The following KCNQ4 variants were observed in gnomAD, a reference collection of about 807,000 sequenced individuals.
The protein encoded by KCNQ4 is potassium voltage-gated channel subfamily KQT member 4.
KCNQ4 carries 31 observed loss-of-function variants against 72.6 expected under a neutral mutation model. The observed-to-expected ratio is 0.43, with a 90% CI of 0.32 to 0.58. The LOEUF (loss-of-function observed/expected upper bound fraction) is 0.58, where lower values mean the gene tolerates loss of function less well. Ranked by LOEUF, KCNQ4 falls within the 20% of genes least tolerant of loss-of-function variation. The pLI is 0.08. For missense variants in KCNQ4, 869 were observed against 962.6 expected, an observed-to-expected ratio of 0.90 and a Z score of 1.29; for synonymous variants, 405 against 403.7, an observed-to-expected ratio of 1.00 and a Z score of -0.04.
rs550600409 is a variant in KCNQ4 at position 40,808,284 on chromosome 1, G to A, written c.315-8981G>A. Among the ~76,000 whole-genome samples the A allele has an allele frequency of 7.2e-5, 11 of 152,022 alleles. No homozygotes were observed. In the South Asian group the frequency reaches 1.9e-3, roughly 26 times the overall value. On this transcript the variant is annotated intron_variant, in intron 1 of 13. Coordinates refer to ENST00000347132, the MANE Select transcript of KCNQ4 (RefSeq NM_004700.4). ...TGGTGGATACTTGGGGGTGGGGAGC[G>A]GTCCTCTTCTCACACAGGCTGCTTC...
At chr1:40,834,281 G>A (rs1474818684) in intron 11 of KCNQ4, among the ~76,000 whole-genome samples, 5 of 152,138 alleles carry the variant, frequency 3.3e-5, no homozygotes, top group Admixed American at 3.3e-4. Flanking sequence ...GGTCACCCAA[G>A]CCATGGGAGT....
At chr1:40,793,893 C>G (rs1186242657) in intron 1 of KCNQ4, among the ~76,000 whole-genome samples, 1 of 152,152 alleles carries the variant, frequency 6.6e-6, no homozygotes, top group African/African-American at 2.4e-5. Context: ...TTCAGTGCCC[C>G]CAGAGTTCTG....
chr1:40,802,612 G>A (rs576448481), intron 1 of KCNQ4, among the ~76,000 whole-genome samples: 1 of 151,990 alleles, frequency 6.6e-6, no homozygotes, highest in Non-Finnish European at 1.5e-5. Context: ...GAGCAGTGGC[G>A]CCCCTGCTGA....
At chr1:40,818,786 A>C in intron 4 of KCNQ4, 106 bp downstream of exon 4, 1 of 1,311,764 alleles carries the variant, frequency 7.6e-7, no homozygotes, top group Non-Finnish European at 1.1e-6. Context: ...CCGTGCTGGG[A>C]AGGGGTGTGG....
Position 40,817,474 on chromosome 1 carries a change from A to G in KCNQ4, c.405+119A>G. 2.9e-6 allele frequency: 2 copies of G among 678,180 alleles called. No individual in the cohort carries two copies. Among genetic ancestry groups the G allele is most frequent in the Non-Finnish European group, 5.0e-6 (2 of 399,850 alleles). The allele number at this position is 678,180 out of a possible 1,614,324, so 42.0% of individuals were successfully genotyped here. On this transcript the variant is annotated intron_variant, in intron 2 of 13. Transcript: ENST00000347132. The surrounding 1 kb of genome is among the most constrained non-coding windows in gnomAD (Gnocchi z 5.5). ...CCTCTGGGCTGGGAGTCCGGGACTG[A>G]AGGGGGCTGTGTGAGGTAGCACCTC...
intron 1 of KCNQ4, among the ~76,000 whole-genome samples, chr1:40,786,127 G>T (rs1647200236): frequency 6.6e-6 from 1 of 152,090 alleles, no homozygotes; most frequent in Non-Finnish European, 1.5e-5. Flanking sequence ...CTTCTTAGGA[G>T]TGGCTACAGA....
At chr1:40,797,983 C>T (rs1557992206) in intron 1 of KCNQ4, among the ~76,000 whole-genome samples, 1 of 151,962 alleles carries the variant, frequency 6.6e-6, no homozygotes, top group Non-Finnish European at 1.5e-5. Flanking sequence ...AGAATAGTGG[C>T]CTTATAATGG....
chr1:40,830,988 T>TA, intron 9 of KCNQ4, 96 bp from the exon 10 acceptor site: 2 of 1,055,314 alleles, frequency 1.9e-6, no homozygotes. Context: ...CCAGACCTAA[T>TA]AGCCACCCCC....
At chr1:40,823,802 C>A (rs924287360) in intron 8 of KCNQ4, among the ~76,000 whole-genome samples, 3 of 152,210 alleles carry the variant, frequency 2.0e-5, no homozygotes, top group Non-Finnish European at 4.4e-5. Flanking sequence ...TCTGAGGAGG[C>A]ACGGCACGTT....
chr1:40,826,786 T>C (rs1648492152), intron 9 of KCNQ4: 2 of 392,074 alleles, frequency 5.1e-6, no homozygotes, highest in African/African-American at 2.1e-5. Context: ...AAGGACAAGG[T>C]GCATGTGCCT....
rs536477676 is a variant in KCNQ4 at position 40,797,501 on chromosome 1, C to T, written c.314+13094C>T. On this transcript the variant is annotated intron_variant, in intron 1 of 13. Transcript: ENST00000347132. ...GGCTGGGATGCAACAGGGCCAGGCT[C>T]GGCAGTGAGGACACCGGGCTGGGGA... 1.4e-4 allele frequency among the ~76,000 whole-genome samples: 21 copies of T among 152,206 alleles called. No homozygotes were observed. The South Asian group carries it at 3.3e-3, about 24-fold the overall frequency.
At position 40,818,523 on chromosome 1, in the gene KCNQ4, C is replaced by T; in HGVS notation, c.551C>T (p.Ala184Val). 1 of 1,601,980 alleles carries T rather than the reference C, an allele frequency of 6.2e-7. No homozygotes were observed. The highest frequency in any genetic ancestry group is 8.5e-7 in the Non-Finnish European group (1 of 1,179,832). ...CCTGCAGACTTCATCGTGTTCGTGG[C>T]CTCGGTGGCCGTCATCGCCGCGGGT... Reference protein sequence around the residue: ...FCVIDFIVFVASVAVIAAGTQ... With the variant: ...FCVIDFIVFVVSVAVIAAGTQ... The change falls in exon 4 of 14, where the codon GCC (alanine) becomes GTC (valine). Residue 184 changes from alanine (A) to valine (V), a missense_variant. By Grantham distance (64) the Ala-to-Val change is moderately conservative (BLOSUM62 0). This residue lies in a region of KCNQ4 where 179 missense variants were observed against 243.0 expected (regional missense o/e 0.74). Transcript: ENST00000347132.
intron 12 of KCNQ4, 89 bp downstream of exon 12, chr1:40,835,187 C>A (rs997106933): frequency 2.7e-6 from 4 of 1,505,760 alleles, no homozygotes; most frequent in Admixed American, 1.9e-5. Flanking sequence ...CCGAGCACCC[C>A]CAAGGGCTCA....
In KCNQ4 at chr1:40,824,181, C is replaced by T. The variant is rs571352655; in HGVS notation, c.1215C>T (p.Pro405=). The T allele has an allele frequency of 4.5e-5, 70 of 1,571,116 alleles. No homozygotes were observed. Among genetic ancestry groups the T allele is most frequent in the South Asian group, 4.3e-4 (37 of 85,908 alleles). The stretch of plus-strand genomic sequence containing the variant: ...TGGAGGTGCGGCGGGCGCCGGTACC[C>T]GACGGAGCACCCTCCCGTTACCCGC... The part of the protein sequence containing the change: ...RPLEVRRAPV[P]DGAPSRYPPV... Residue 405 remains proline (P), a synonymous_variant, in exon 9 of 14, where the codon CCC becomes CCT. Coordinates refer to ENST00000347132, the MANE Select transcript of KCNQ4 (RefSeq NM_004700.4).
chr1:40,792,456 T>A (rs1050006190), intron 1 of KCNQ4, among the ~76,000 whole-genome samples: 12 of 152,214 alleles, frequency 7.9e-5, no homozygotes, highest in Admixed American at 2.0e-4. Context: ...GTCTCAGCGC[T>A]GGAGCAGATC....
intron 9 of KCNQ4, among the ~76,000 whole-genome samples, chr1:40,827,551 C>T (rs1232604850): frequency 6.6e-6 from 1 of 152,148 alleles, no homozygotes; most frequent in African/African-American, 2.4e-5. Context: ...TGAGCTTCAC[C>T]CTGTTGGCAT....
intron 7 of KCNQ4, among the ~76,000 whole-genome samples, chr1:40,821,402 T>C (rs1318312757): frequency 1.3e-5 from 2 of 152,204 alleles, no homozygotes; most frequent in Non-Finnish European, 2.9e-5. Flanking sequence ...CAGCTCTGCC[T>C]TGTCCTGCCT....
At position 40,815,238 on chromosome 1, in the gene KCNQ4, C is replaced by CAAA. The variant is rs59957166; in HGVS notation, c.315-2015_315-2013dup. Reference sequence around the variant, plus strand: ...CTGGTAACAGGATGAGACTCCATCTCAAAAAAAAAAAAAAGCAAAAGGAAA... The same window carrying CAAA: ...CTGGTAACAGGATGAGACTCCATCTCAAAAAAAAAAAAAAAAAGCAAAAGGAAA... On this transcript the variant is annotated intron_variant, in intron 1 of 13. Transcript: ENST00000347132. 4.0e-4 allele frequency among the ~76,000 whole-genome samples: 52 copies of CAAA among 128,942 alleles called. 1 individual carries two copies. In the East Asian group the frequency reaches 5.6e-3, roughly 14 times the overall value. The allele number at this position is 128,942 out of a possible 152,430, so 84.6% of individuals were successfully genotyped here. A position where few individuals can be genotyped will look rare whatever the true frequency, so the allele number is the denominator to read the frequency against.
chr1:40,834,883 G>A (rs1388867740), intron 11 of KCNQ4, 84 bp from the exon 12 acceptor site: 1 of 1,578,214 alleles, frequency 6.3e-7, no homozygotes, highest in Non-Finnish European at 8.7e-7. Flanking sequence ...TGCTGGACAA[G>A]GGGATAGCAA....
Sources: allele counts gnomAD v4.1 joint callset (sites outside exome capture counted in the v4.1 genomes callset), GRCh38; gene constraint gnomAD v4.1.1; regional missense constraint gnomAD v4.1.1; non-coding constraint Gnocchi (gnomAD v3.1); transcripts MANE v1.5; gene names NCBI Gene and HGNC (gene_info 2026-07-23, HGNC 2026-07-21).